The following CADPS2 variants were observed in gnomAD, a reference collection of about 807,000 sequenced individuals.
CADPS2 encodes calcium dependent secretion activator 2, also known as calcium-dependent secretion activator 2.
Under a neutral mutation model 172.5 loss-of-function variants are expected in CADPS2, and 93 were observed. The ratio of observed to expected loss-of-function variants is 0.54; its 90% CI spans 0.46 to 0.64. The LOEUF (loss-of-function observed/expected upper bound fraction) is 0.64, where lower values mean the gene tolerates loss of function less well. CADPS2 is among the 30% of genes least tolerant of loss of function. The pLI is 0.00. For missense variants in CADPS2, 1,420 were observed against 1,565.9 expected, an observed-to-expected ratio of 0.91 and a Z score of 1.57; for synonymous variants, 546 against 555.2, an observed-to-expected ratio of 0.98 and a Z score of 0.23.
chr7:122,327,602 C>G (rs1406033025), intron 28 of CADPS2, among the ~76,000 whole-genome samples: 1 of 151,856 alleles, frequency 6.6e-6, no homozygotes, highest in Non-Finnish European at 1.5e-5. Flanking sequence ...TCTTTATGTT[C>G]TTGAAAATCC....
rs370904681 is a variant in CADPS2 at position 122,884,466 on chromosome 7, G to T, written c.339+1533C>A. Among the ~76,000 whole-genome samples the T allele has an allele frequency of 1.8e-4, 27 of 152,262 alleles. 2 individuals carry two copies. In the East Asian group the frequency reaches 3.3e-3, roughly 19 times the overall value. On this transcript the variant is annotated intron_variant, in intron 1 of 29. Transcript: ENST00000449022. ...TGGTTTTAACTGTGCCAATTTGTTTGGGATTGGGAAATGCTATTATGACCT... is the reference window on the plus strand; with the variant it reads ...TGGTTTTAACTGTGCCAATTTGTTTTGGATTGGGAAATGCTATTATGACCT...
At chr7:122,324,322 A>G (rs1286882792) in intron 29 of CADPS2, among the ~76,000 whole-genome samples, 1 of 152,144 alleles carries the variant, frequency 6.6e-6, no homozygotes, top group African/African-American at 2.4e-5. Context: ...AATAATTTGT[A>G]TTCTAATTAG....
chr7:122,506,554 T>C (rs2059620275), intron 9 of CADPS2, among the ~76,000 whole-genome samples: 1 of 152,134 alleles, frequency 6.6e-6, no homozygotes. Flanking sequence ...GTGCTAACTA[T>C]GGGATTCTAG....
intron 9 of CADPS2, among the ~76,000 whole-genome samples, chr7:122,507,206 G>A (rs913880083): frequency 2.6e-5 from 4 of 152,100 alleles, no homozygotes; most frequent in Non-Finnish European, 5.9e-5. Context: ...GGTGGAAAAG[G>A]CACATTCGAA....
At position 122,817,390 on chromosome 7, in the gene CADPS2, T is replaced by C. The variant is rs144047089; in HGVS notation, c.339+68609A>G. 1.1e-3 allele frequency among the ~76,000 whole-genome samples: 167 copies of C among 152,248 alleles called. 2 individuals are homozygous for C. The East Asian group carries it at 0.03, about 27-fold the overall frequency. On this transcript the variant is annotated intron_variant, in intron 1 of 29. Transcript: ENST00000449022. ...TCACTGTCCCTCAACCACTTTCTCC[T>C]TTCCACTCTTCAATCTCTCCCTTCT... is the stretch of plus-strand genomic sequence containing the variant.
intron 2 of CADPS2, among the ~76,000 whole-genome samples, chr7:122,703,796 T>C (rs1003746635): frequency 6.6e-6 from 1 of 151,988 alleles, no homozygotes; most frequent in Non-Finnish European, 1.5e-5. Flanking sequence ...GGACTCAAAG[T>C]AGCAGCATAG....
At chr7:122,473,976 A>G (rs372645100) in intron 13 of CADPS2, among the ~76,000 whole-genome samples, 1 of 152,194 alleles carries the variant, frequency 6.6e-6, no homozygotes, top group Non-Finnish European at 1.5e-5. Context: ...TCTAAGAACA[A>G]AAGAGAGAAA....
chr7:122,692,130 C>T (rs960604991), intron 2 of CADPS2, among the ~76,000 whole-genome samples: 3 of 152,146 alleles, frequency 2.0e-5, no homozygotes, highest in African/African-American at 7.2e-5. Flanking sequence ...CTGGAATACT[C>T]GGGCAGGACC....
intron 18 of CADPS2, 44 bp from the exon 19 acceptor site, chr7:122,414,120 T>C: frequency 6.9e-7 from 1 of 1,456,664 alleles, no homozygotes; most frequent in Non-Finnish European, 9.1e-7. Context: ...AGTAGAACAA[T>C]TGCCATAGTG....
intron 2 of CADPS2, chr7:122,698,540 C>T (rs913693534): frequency 6.2e-7 from 1 of 1,614,054 alleles, no homozygotes; most frequent in East Asian, 2.2e-5. Flanking sequence ...TAGATGATCA[C>T]TCCACTGGCT....
chr7:122,388,063 A>C (rs1359621194), intron 23 of CADPS2, among the ~76,000 whole-genome samples: 1 of 152,122 alleles, frequency 6.6e-6, no homozygotes, highest in African/African-American at 2.4e-5. Context: ...ATTTGGAAGA[A>C]TATGAAGCCT....
chr7:122,355,419 A>C (rs2151079391), intron 27 of CADPS2, among the ~76,000 whole-genome samples: 1 of 152,148 alleles, frequency 6.6e-6, no homozygotes, highest in East Asian at 1.9e-4. Context: ...ATCTCTATTA[A>C]AAATACAAAA....
At chr7:122,345,363 C>T (rs138756963) in intron 28 of CADPS2, among the ~76,000 whole-genome samples, 3,427 of 152,206 alleles carry the variant, frequency 0.023, 118 homozygotes, top group African/African-American at 0.078. Context: ...GTCTTGAACT[C>T]CTGACCTCAA....
chr7:122,371,277 C>T (rs957895365), intron 25 of CADPS2, among the ~76,000 whole-genome samples: 3 of 152,108 alleles, frequency 2.0e-5, no homozygotes, highest in African/African-American at 7.2e-5. Context: ...GAAGAAACAC[C>T]CAAGACTCGG....
At chr7:122,627,673 A>T (rs559277884) in intron 4 of CADPS2, among the ~76,000 whole-genome samples, 32 of 152,286 alleles carry the variant, frequency 2.1e-4, no homozygotes, top group South Asian at 1.4e-3. Context: ...ATTCTAAAGC[A>T]TTACATATGA....
chr7:122,482,280 C>T (rs1375367878), intron 11 of CADPS2, among the ~76,000 whole-genome samples: 1 of 152,052 alleles, frequency 6.6e-6, no homozygotes, highest in African/African-American at 2.4e-5. Context: ...CAACCGCAAC[C>T]CTACCCTCTG....
At chr7:122,885,405 T>G (rs1824062144) in intron 1 of CADPS2, among the ~76,000 whole-genome samples, 1 of 151,876 alleles carries the variant, frequency 6.6e-6, no homozygotes. Flanking sequence ...CACAAACACT[T>G]TACAAAGCTG....
At chr7:122,473,501 A>T (rs2056243212) in intron 13 of CADPS2, among the ~76,000 whole-genome samples, 1 of 152,206 alleles carries the variant, frequency 6.6e-6, no homozygotes, top group South Asian at 2.1e-4. Context: ...TGTACATATA[A>T]TGCAAATATT....
intron 21 of CADPS2, 27 bp downstream of exon 21, chr7:122,393,414 T>C (rs1235316486): frequency 3.7e-6 from 6 of 1,613,356 alleles, no homozygotes; most frequent in African/African-American, 1.3e-5. Context: ...AGGCAGGTGC[T>C]CTACGGACAC....
Sources: gnomAD v4.1 joint callset for allele counts (sites outside exome capture counted in the v4.1 genomes callset) on GRCh38, gnomAD v4.1.1 for gene constraint, MANE v1.5 for transcripts, NCBI Gene and HGNC (gene_info 2026-07-23, HGNC 2026-07-21) for gene names.